LRRD1: variants seen among roughly 807,000 people sequenced by gnomAD.
The protein encoded by LRRD1 is leucine rich repeats and death domain containing 1, also known as leucine-rich repeat and death domain-containing protein 1.
LRRD1 carries 49 observed loss-of-function variants against 69.5 expected under a neutral mutation model. That is an observed-to-expected ratio of 0.70 (90% CI 0.56 to 0.89). The LOEUF (loss-of-function observed/expected upper bound fraction) is 0.89, where lower values mean the gene tolerates loss of function less well. Among genes scored for constraint, LRRD1 ranks in the 40% least tolerant of loss-of-function variants. LRRD1 has a pLI of 0.00. For missense variants in LRRD1, 853 were observed against 956.0 expected (o/e 0.89, Z 1.42); for synonymous variants, 303 against 338.9 (o/e 0.89, Z 1.16).
intron 1 of LRRD1, among the ~76,000 whole-genome samples, chr7:92,174,050 A>G (rs1180425308): frequency 1.3e-5 from 2 of 152,184 alleles, no homozygotes; most frequent in Non-Finnish European, 2.9e-5. Context: ...ACTAGAGGTC[A>G]TTTGTTGAGT....
downstream of LRRD1, chr7:92,142,146 G>A (rs1267583082): frequency 1.4e-5 from 3 of 218,496 alleles, no homozygotes; most frequent in Non-Finnish European, 2.8e-5. Flanking sequence ...GTTTCACTGT[G>A]TTAGCCAGGA....
At chr7:92,167,897 A>AT (rs1223472178) in intron 1 of LRRD1, among the ~76,000 whole-genome samples, 1 of 148,902 alleles carries the variant, frequency 6.7e-6, no homozygotes, top group Non-Finnish European at 1.5e-5. Flanking sequence ...AAAAAAAAAA[A>AT]AAAAAAAAAA....
At chr7:92,150,349 C>G (rs1820435156) in intron 4 of LRRD1, among the ~76,000 whole-genome samples, 185 bp downstream of exon 4, 1 of 152,132 alleles carries the variant, frequency 6.6e-6, no homozygotes, top group South Asian at 2.1e-4. Context: ...CCTGCAGTCC[C>G]TGCTACTCAG....
intron 1 of LRRD1, among the ~76,000 whole-genome samples, chr7:92,168,894 T>C (rs1788986921): frequency 6.6e-6 from 1 of 152,190 alleles, no homozygotes; most frequent in Non-Finnish European, 1.5e-5. Flanking sequence ...GTGAACTCTC[T>C]GACCAAGAAT....
chr7:92,142,586 A>G, downstream of LRRD1: 1 of 453,190 alleles, frequency 2.2e-6, no homozygotes, highest in South Asian at 1.6e-5. Context: ...GACTTCAAGT[A>G]TGAAGCCGAC....
intron 2 of LRRD1, among the ~76,000 whole-genome samples, chr7:92,161,770 G>C (rs1788800538): frequency 6.6e-6 from 1 of 152,188 alleles, no homozygotes; most frequent in Non-Finnish European, 1.5e-5. Context: ...TTTGAAAGGA[G>C]ATGGAAGAAA....
intron 3 of LRRD1, among the ~76,000 whole-genome samples, chr7:92,153,313 C>A (rs1306525063): frequency 2.6e-5 from 4 of 152,056 alleles, no homozygotes; most frequent in African/African-American, 9.7e-5. Context: ...GATCCACCTG[C>A]CTCAGCCTCT....
intron 1 of LRRD1, among the ~76,000 whole-genome samples, chr7:92,173,506 A>C (rs1380700714): frequency 6.6e-6 from 1 of 152,110 alleles, no homozygotes. Context: ...AGGAAAAAAA[A>C]TCTGATTTGC....
chr7:92,174,218 TAAAC>T (rs984584232), intron 1 of LRRD1, among the ~76,000 whole-genome samples: 2 of 151,778 alleles, frequency 1.3e-5, no homozygotes, highest in African/African-American at 4.8e-5. Context: ...TAGGTACAAA[TAAAC>T]AGTTTGATAG....
chr7:92,149,992 C>T, intron 4 of LRRD1: 1 of 427,220 alleles, frequency 2.3e-6, no homozygotes, highest in Admixed American at 2.5e-5. Flanking sequence ...AAACAGCCCA[C>T]CCCTCCTCCA....
chr7:92,150,594 A>G lies in LRRD1; in HGVS notation c.2218T>C (p.Cys740Arg), dbSNP rs759169640. Residue 740 changes from cysteine (C) to arginine (R), a missense_variant, in exon 4 of 6, where the codon TGT becomes CGT. Around this residue, in one of 3 missense-constraint regions of LRRD1, gnomAD observed 739 missense variants for 808.0 expected, o/e 0.91. Coordinates refer to ENST00000458448, the MANE Select transcript of LRRD1 (RefSeq NM_001161528.2). The stretch of plus-strand genomic sequence containing the variant: ...ATAGTATACAACTGTTTTCCTTTAC[A>G]GATTTCCACTGGAGGTCTCAGCAAA... ...NPLLRPPVEI[C>R]KGKQLYTIAR... is the part of the protein sequence containing the mutation. The G allele has an allele frequency of 1.7e-4, 260 of 1,551,506 alleles. No individual in the cohort carries two copies. The highest frequency in any genetic ancestry group is 2.2e-4 in the Non-Finnish European group (249 of 1,146,910).
intron 3 of LRRD1, among the ~76,000 whole-genome samples, chr7:92,153,256 G>A (rs1405064636): frequency 2.0e-5 from 3 of 151,524 alleles, no homozygotes; most frequent in South Asian, 2.1e-4. Flanking sequence ...GTAGAGATGG[G>A]GTTTCACTAT....
downstream of LRRD1, among the ~76,000 whole-genome samples, chr7:92,144,534 G>A (rs1336419693): frequency 6.9e-6 from 1 of 144,750 alleles, no homozygotes; most frequent in Non-Finnish European, 1.5e-5. Flanking sequence ...GGCTGAGGCA[G>A]AAGCATCACT....
chr7:92,157,765 C>T (rs556676051), intron 3 of LRRD1, among the ~76,000 whole-genome samples: 3 of 151,324 alleles, frequency 2.0e-5, no homozygotes, highest in East Asian at 3.9e-4. Flanking sequence ...TAAGTAGAGC[C>T]GGGGTTTCAC....
In LRRD1 at chr7:92,152,927, C is replaced by A. The variant is rs189166485; in HGVS notation, c.2117-2232G>T. On this transcript the variant is annotated intron_variant, in intron 3 of 5. Transcript: ENST00000458448. ...TCGTGATCTGCCCGCCTGGGCCTCCCAAAGTGCTGGGATTACAGGCGTGAG... is the reference window on the plus strand; with the variant it reads ...TCGTGATCTGCCCGCCTGGGCCTCCAAAAGTGCTGGGATTACAGGCGTGAG... 7.6e-3 allele frequency among the ~76,000 whole-genome samples: 1,155 copies of A among 152,288 alleles called. 17 individuals are homozygous for A. The highest frequency in any genetic ancestry group is 0.037 in the Middle Eastern group (11 of 294).
Position 92,159,195 on chromosome 7 carries a change from T to A in LRRD1, c.1926A>T (p.Arg642Ser). 2.7e-6 allele frequency: 4 copies of A among 1,494,078 alleles called. No homozygotes were observed. The highest frequency in any genetic ancestry group is 3.6e-6 in the Non-Finnish European group (4 of 1,124,182). The allele number at this position is 1,494,078 out of a possible 1,614,324, so 92.6% of individuals were successfully genotyped here. A position where few individuals can be genotyped will look rare whatever the true frequency, so the allele number is the denominator to read the frequency against. Reference sequence around the variant, plus strand: ...TCATATTAGATAGCTCTCCTGGAAGTCTTGTTAGCTGTAACAAAGATTACA... The same window carrying A: ...TCATATTAGATAGCTCTCCTGGAAGACTTGTTAGCTGTAACAAAGATTACA... ...ISQIKGRKLT[R>S]LPGELSNMTQ... The change falls in exon 3 of 6, where the codon AGA becomes AGT. Residue 642 changes from arginine (R) to serine (S), a missense_variant. Physicochemically the swap from Arg to Ser is moderately radical, Grantham distance 110. Transcript: ENST00000458448.
rs1318619804 is a variant in LRRD1 at position 92,174,507 on chromosome 7, ATATTT to A, written c.-75+4495_-75+4499del. On this transcript the variant is annotated intron_variant, in intron 1 of 5. Coordinates refer to ENST00000458448, the MANE Select transcript of LRRD1 (RefSeq NM_001161528.2). The stretch of plus-strand genomic sequence containing the variant: ...TATATATATATATATATATATATAT[ATATTT>A]TTTTTTTTTTTTTTTTTTTTTTTTT... Among the ~76,000 whole-genome samples, 88 of 16,636 alleles carry A rather than the reference ATATTT, an allele frequency of 5.3e-3. 1 individual carries two copies. The highest frequency in any genetic ancestry group is 0.015 in the African/African-American group (69 of 4,738). The allele number at this position is 16,636 out of a possible 152,430, so 10.9% of individuals were successfully genotyped here.
chr7:92,150,124 A>T (rs1399883752), intron 4 of LRRD1, among the ~76,000 whole-genome samples: 1 of 152,234 alleles, frequency 6.6e-6, no homozygotes, highest in Non-Finnish European at 1.5e-5. Flanking sequence ...TATCTCTGCC[A>T]GATTGAAAGC....
chr7:92,145,077 GAA>G lies in LRRD1; in HGVS notation c.2397-5_2397-4del, dbSNP rs765288566. 7.3e-7 allele frequency: 1 copy of G among 1,370,048 alleles called. No individual in the cohort carries two copies. Among genetic ancestry groups the G allele is most frequent in the South Asian group, 2.0e-5 (1 of 50,514 alleles). The allele number at this position is 1,370,048 out of a possible 1,614,324, so 84.9% of individuals were successfully genotyped here. On this transcript the variant is annotated splice_polypyrimidine_tract_variant and splice_region_variant and intron_variant, in intron 5 of 5. Transcript: ENST00000458448. ...CTCTCTCACTTAATGAAACAGTGCTGAAAAACATTATTAATAATATTAATAGT... is the reference window on the plus strand; with the variant it reads ...CTCTCTCACTTAATGAAACAGTGCTGAAACATTATTAATAATATTAATAGT...
Sources: allele counts gnomAD v4.1 joint callset (sites outside exome capture counted in the v4.1 genomes callset), GRCh38; gene constraint gnomAD v4.1.1; regional missense constraint gnomAD v4.1.1; transcripts MANE v1.5; gene names NCBI Gene and HGNC (gene_info 2026-07-23, HGNC 2026-07-21).